The following HERC3 variants were observed in gnomAD, a reference collection of about 807,000 sequenced individuals.
HERC3 encodes the protein probable E3 ubiquitin-protein ligase HERC3.
In HERC3, 58 loss-of-function variants were observed where a neutral mutation model predicts 129.9. The ratio of observed to expected loss-of-function variants is 0.45; its 90% confidence interval spans 0.36 to 0.56. The LOEUF is 0.56. Ranked by LOEUF, HERC3 falls within the 20% of genes least tolerant of loss-of-function variation. The probability of loss-of-function intolerance (pLI) is 0.00; values close to 1 mark genes in which losing one functional copy is unlikely to be tolerated. For missense variants in HERC3, 835 were observed against 1,244.2 expected, an observed-to-expected ratio of 0.67 and a Z score of 4.95; for synonymous variants, 430 against 451.0, an observed-to-expected ratio of 0.95 and a Z score of 0.59.
the HERC3 span, among the ~76,000 whole-genome samples, chr4:88,551,611 A>G: frequency 4.1e-4 from 62 of 152,084 alleles, no homozygotes; most frequent in African/African-American, 1.3e-3. Flanking sequence ...TTAGAATGGC[A>G]ATCATTAAAA....
intron 3 of HERC3, among the ~76,000 whole-genome samples, chr4:88,640,102 A>G (rs1030852874): frequency 3.9e-5 from 6 of 152,204 alleles, no homozygotes; most frequent in Non-Finnish European, 7.3e-5. Flanking sequence ...GCTATGGAGA[A>G]ATAGAAACGC....
chr4:88,651,741 C>T (rs1011399265), intron 4 of HERC3, among the ~76,000 whole-genome samples: 9 of 152,132 alleles, frequency 5.9e-5, no homozygotes, highest in Non-Finnish European at 8.8e-5. Context: ...TGTGCCACAA[C>T]GCCCGGCTGA....
chr4:88,662,590 A>G (rs1250077766), intron 11 of HERC3, 35 bp downstream of exon 11: 6 of 1,588,004 alleles, frequency 3.8e-6, no homozygotes, highest in Non-Finnish European at 4.3e-6. Context: ...TTTTTTCCAC[A>G]AAGTATGTTA....
At chr4:88,566,204 C>A in the HERC3 span, among the ~76,000 whole-genome samples, 1 of 152,078 alleles carries the variant, frequency 6.6e-6, no homozygotes, top group Non-Finnish European at 1.5e-5. Flanking sequence ...TTAGCTTCCA[C>A]TTATAAGTCA....
chr4:88,644,644 T>A (rs1728502478), intron 3 of HERC3, among the ~76,000 whole-genome samples: 1 of 152,150 alleles, frequency 6.6e-6, no homozygotes, highest in Admixed American at 6.6e-5. Flanking sequence ...GAAGAACATT[T>A]TTGGGGTGAT....
chr4:88,568,323 C>T, the HERC3 span, among the ~76,000 whole-genome samples: 1 of 152,146 alleles, frequency 6.6e-6, no homozygotes, highest in Non-Finnish European at 1.5e-5. Context: ...CTTCAGTTAG[C>T]AGGTGGTGAG....
intron 16 of HERC3, among the ~76,000 whole-genome samples, chr4:88,672,645 A>G (rs966149270): frequency 1.3e-5 from 2 of 152,196 alleles, no homozygotes; most frequent in African/African-American, 4.8e-5. Flanking sequence ...AGTCAAAAAG[A>G]CCTGGGTTCA....
intron 8 of HERC3, among the ~76,000 whole-genome samples, chr4:88,655,618 C>T (rs984096681): frequency 1.3e-5 from 2 of 152,210 alleles, no homozygotes; most frequent in African/African-American, 4.8e-5. Flanking sequence ...GTCTACCCTG[C>T]TTCTCTCTGT....
chr4:88,659,371 C>CT (rs1730246669), intron 10 of HERC3, among the ~76,000 whole-genome samples: 1 of 152,210 alleles, frequency 6.6e-6, no homozygotes, highest in Non-Finnish European at 1.5e-5. Flanking sequence ...GAAACTTTCT[C>CT]TATTAGTTTG....
the HERC3 span, among the ~76,000 whole-genome samples, chr4:88,558,099 A>G: frequency 7.9e-3 from 1,194 of 150,370 alleles, 18 homozygotes; most frequent in African/African-American, 0.027. Flanking sequence ...AAAAAAAGAA[A>G]AAAAGAACTA....
intron 3 of HERC3, among the ~76,000 whole-genome samples, chr4:88,643,762 A>T (rs914429581): frequency 4.6e-5 from 7 of 152,226 alleles, no homozygotes; most frequent in Non-Finnish European, 1.0e-4. Flanking sequence ...CACAGATCTC[A>T]ATGTAAAATG....
chr4:88,559,840 T>G, the HERC3 span, among the ~76,000 whole-genome samples: 1 of 152,206 alleles, frequency 6.6e-6, no homozygotes, highest in African/African-American at 2.4e-5. Flanking sequence ...AGTTCTATTT[T>G]TAATTTCTTT....
rs888209037 is a variant in HERC3, at chr4:88,681,448, TA to T, written c.2507+124del. The stretch of plus-strand genomic sequence containing the variant: ...ATTGCATCCTGTGGTTAGACCCTGT[TA>T]TGTGTGTTTTGTCTAAGATGTAGCT... On this transcript the variant is annotated intron_variant, in intron 21 of 25. Transcript: ENST00000402738. 1.8e-5 allele frequency: 14 copies of T among 787,928 alleles called. No individual in the cohort carries two copies. The African/African-American group carries it at 2.5e-4, about 14-fold the overall frequency. 48.8% of individuals were successfully genotyped at this position (787,928 alleles called of 1,614,324 possible).
chr4:88,708,233 A>G lies in HERC3; in HGVS notation c.*1273A>G, dbSNP rs941949345. On this transcript the variant is annotated 3_prime_UTR_variant, in exon 26 of 26. Transcript: ENST00000402738. ...TCAACCTTCCTCATCATGGAGTAAGAAAATTCTACATGATTAAAGAATCCA... is the reference window on the plus strand; with the variant it reads ...TCAACCTTCCTCATCATGGAGTAAGGAAATTCTACATGATTAAAGAATCCA... 5 of 152,636 alleles carry G rather than the reference A, an allele frequency of 3.3e-5. No homozygotes were observed. Among genetic ancestry groups the G allele is most frequent in the African/African-American group, 9.6e-5 (4 of 41,460 alleles). 9.5% of individuals were successfully genotyped at this position (152,636 alleles called of 1,614,324 possible).
At chr4:88,695,125 A>G (rs1172146493) in intron 23 of HERC3, among the ~76,000 whole-genome samples, 1 of 152,104 alleles carries the variant, frequency 6.6e-6, no homozygotes, top group Non-Finnish European at 1.5e-5. Context: ...TTTTTTCTCT[A>G]TTAAGATAAT....
intron 23 of HERC3, chr4:88,697,689 C>G (rs761820754): frequency 1.4e-5 from 22 of 1,611,006 alleles, no homozygotes; most frequent in Non-Finnish European, 1.8e-5. Flanking sequence ...CCTCCTCTGC[C>G]GCTGCCTCCG....
Position 88,653,929 on chromosome 4 carries a change from G to A in HERC3, c.686-113G>A. On this transcript the variant is annotated intron_variant, in intron 6 of 25. Transcript: ENST00000402738. ...GATATCCAAGTACAGATGCAGGCAG[G>A]AAACTGAACATGCGTCAGGAATCCA... 3 of 735,950 alleles carry A rather than the reference G, an allele frequency of 4.1e-6. No homozygotes were observed. The South Asian group carries it at 5.0e-5, about 12-fold the overall frequency. 45.6% of individuals were successfully genotyped at this position (735,950 alleles called of 1,614,324 possible). A position where few individuals can be genotyped will look rare whatever the true frequency, so the allele number is the denominator to read the frequency against.
intron 4 of HERC3, among the ~76,000 whole-genome samples, chr4:88,651,305 A>G (rs1450352312): frequency 2.6e-5 from 4 of 152,220 alleles, no homozygotes; most frequent in South Asian, 2.1e-4. Context: ...TTTGATTTGT[A>G]TATAGTTTTC....
At chr4:88,694,966 G>T (rs1212638879) in intron 23 of HERC3, among the ~76,000 whole-genome samples, 1 of 151,616 alleles carries the variant, frequency 6.6e-6, no homozygotes, top group Non-Finnish European at 1.5e-5. Context: ...GATTCTCTTG[G>T]GTTTTCTATA....
Sources: allele counts gnomAD v4.1 joint callset (sites outside exome capture counted in the v4.1 genomes callset), GRCh38; gene constraint gnomAD v4.1.1; transcripts MANE v1.5; gene names NCBI Gene and HGNC (gene_info 2026-07-23, HGNC 2026-07-21).